The following AKAP6 variants were observed in gnomAD, a reference collection of about 807,000 sequenced individuals.
The protein encoded by AKAP6 is A-kinase anchor protein 6.
A neutral mutation model predicts 188.5 loss-of-function variants in AKAP6; 58 were observed. The ratio of observed to expected loss-of-function variants is 0.31; its 90% CI spans 0.25 to 0.38. AKAP6 has a LOEUF of 0.38. AKAP6 is among the 10% of genes least tolerant of loss of function. The pLI is 1.00. For missense variants in AKAP6, 2,710 were observed against 2,740.0 expected (o/e 0.99, Z 0.24); for synonymous variants, 989 against 998.6 (o/e 0.99, Z 0.18).
At chr14:32,424,508 CTTTTA>C (rs777673073) in intron 1 of AKAP6, among the ~76,000 whole-genome samples, 10 of 151,936 alleles carry the variant, frequency 6.6e-5, no homozygotes, top group African/African-American at 9.7e-5. Context: ...TTATTTTTAA[CTTTTA>C]TTTTAAGTTC....
intron 12 of AKAP6, among the ~76,000 whole-genome samples, chr14:32,805,022 A>T (rs1189488649): frequency 6.6e-6 from 1 of 152,194 alleles, no homozygotes; most frequent in African/African-American, 2.4e-5. Context: ...CACTGATTTC[A>T]TATTTTTCAA....
At chr14:32,828,676 A>G (rs1383512664) in intron 13 of AKAP6, among the ~76,000 whole-genome samples, 1 of 152,226 alleles carries the variant, frequency 6.6e-6, no homozygotes, top group African/African-American at 2.4e-5. Context: ...GCCAGCATTT[A>G]GTAAGACCAG....
At chr14:32,622,409 TA>T (rs1566610104) in intron 7 of AKAP6, among the ~76,000 whole-genome samples, 2 of 152,064 alleles carry the variant, frequency 1.3e-5, no homozygotes, top group African/African-American at 4.8e-5. Flanking sequence ...GATATAATAA[TA>T]GAGACAAATA....
At chr14:32,722,319 A>T (rs1018775686) in intron 9 of AKAP6, among the ~76,000 whole-genome samples, 4 of 152,150 alleles carry the variant, frequency 2.6e-5, no homozygotes, top group African/African-American at 7.2e-5. Flanking sequence ...CAGTCAAACT[A>T]ATATATCCAT....
chr14:32,604,441 CAAAG>C (rs1329714073), intron 7 of AKAP6, among the ~76,000 whole-genome samples: 2 of 152,040 alleles, frequency 1.3e-5, no homozygotes, highest in African/African-American at 2.4e-5. Context: ...CAATTTAAGA[CAAAG>C]AAAATATATT....
intron 5 of AKAP6, among the ~76,000 whole-genome samples, chr14:32,583,982 A>T (rs1447243882): frequency 6.6e-6 from 1 of 152,194 alleles, no homozygotes; most frequent in Non-Finnish European, 1.5e-5. Context: ...CGCTGCACCC[A>T]CTGTCCTGCG....
At chr14:32,694,999 A>G (rs868216313) in intron 8 of AKAP6, among the ~76,000 whole-genome samples, 2 of 152,198 alleles carry the variant, frequency 1.3e-5, no homozygotes, top group Non-Finnish European at 2.9e-5. Context: ...GGACAAAGTC[A>G]TAGTTTTTCA....
intron 2 of AKAP6, among the ~76,000 whole-genome samples, chr14:32,453,575 C>CTTTTCTTTTTTTTTT (rs1891007366): frequency 1.0e-5 from 1 of 95,354 alleles, no homozygotes; most frequent in African/African-American, 3.4e-5. Context: ...TTTTTCTTTT[C>CTTTTCTTTTTTTTTT]TTTTTTTTTT....
chr14:32,633,906 A>G (rs925392938), intron 7 of AKAP6, among the ~76,000 whole-genome samples: 4 of 152,082 alleles, frequency 2.6e-5, no homozygotes, highest in Non-Finnish European at 5.9e-5. Context: ...TCGTGTCACA[A>G]ATAAGGAAGC....
In AKAP6 at chr14:32,837,489, T is replaced by TATAA. The variant is rs1231494871; in HGVS notation, c.*7685_*7686insTAAA. On this transcript the variant is annotated 3_prime_UTR_variant, in exon 14 of 14. Transcript: ENST00000280979. ...TCCCTAACCACTGGTTTATAAAAAA[T>TATAA]ACTCTAAGGTTTATAGAATTAGTTT... 1 of 152,226 alleles carries TATAA rather than the reference T, an allele frequency of 6.6e-6. No homozygotes were observed. The highest frequency in any genetic ancestry group is 1.5e-5 in the Non-Finnish European group (1 of 68,044). The allele number at this position is 152,226 out of a possible 1,614,324, so 9.4% of individuals were successfully genotyped here. A position where few individuals can be genotyped will look rare whatever the true frequency, so the allele number is the denominator to read the frequency against.
At chr14:32,800,276 C>T (rs2033911733) in intron 12 of AKAP6, among the ~76,000 whole-genome samples, 1 of 150,688 alleles carries the variant, frequency 6.6e-6, no homozygotes, top group Non-Finnish European at 1.5e-5. Flanking sequence ...GTGGTACACA[C>T]CTGTAGTCCC....
At chr14:32,438,156 T>C (rs1890448788) in intron 2 of AKAP6, among the ~76,000 whole-genome samples, 1 of 152,174 alleles carries the variant, frequency 6.6e-6, no homozygotes. Flanking sequence ...GACAAAGGCA[T>C]TGGATGAATC....
chr14:32,776,137 C>A (rs2033053866), intron 12 of AKAP6, among the ~76,000 whole-genome samples: 1 of 152,190 alleles, frequency 6.6e-6, no homozygotes, highest in African/African-American at 2.4e-5. Flanking sequence ...ATCATATGTC[C>A]CCACTCCCAT....
intron 12 of AKAP6, among the ~76,000 whole-genome samples, chr14:32,787,065 A>G (rs1432111317): frequency 1.3e-5 from 2 of 152,224 alleles, no homozygotes; most frequent in Non-Finnish European, 2.9e-5. Context: ...AAACACCCAA[A>G]GGATTCAATT....
chr14:32,693,467 C>G (rs1416036298), intron 8 of AKAP6: 1 of 152,204 alleles, frequency 6.6e-6, no homozygotes, highest in Non-Finnish European at 1.5e-5. Flanking sequence ...AAAGAGAATT[C>G]TAACCGAAGA....
chr14:32,535,530 A>T, intron 2 of AKAP6, 24 bp from the exon 3 acceptor site: 2 of 1,604,414 alleles, frequency 1.2e-6, no homozygotes, highest in African/African-American at 1.3e-5. Flanking sequence ...TAGTCCTCAC[A>T]TATGTTGCTT....
At chr14:32,658,796 G>T (rs1888562568) in intron 7 of AKAP6, among the ~76,000 whole-genome samples, 1 of 144,762 alleles carries the variant, frequency 6.9e-6, no homozygotes. Flanking sequence ...AAAAAAAAAA[G>T]CCTAACTATA....
At chr14:32,805,740 T>G (rs1205357238) in intron 12 of AKAP6, among the ~76,000 whole-genome samples, 2 of 152,236 alleles carry the variant, frequency 1.3e-5, no homozygotes, top group African/African-American at 4.8e-5. Flanking sequence ...CATTTAGTTC[T>G]AATATTTTAG....
intron 2 of AKAP6, among the ~76,000 whole-genome samples, chr14:32,523,459 CCTCT>C (rs971722503): frequency 2.0e-5 from 3 of 150,336 alleles, no homozygotes; most frequent in African/African-American, 4.9e-5. Context: ...AAGTTGAATA[CCTCT>C]CTCTCTCTCT....
Sources: allele counts gnomAD v4.1 joint callset (sites outside exome capture counted in the v4.1 genomes callset), GRCh38; gene constraint gnomAD v4.1.1; transcripts MANE v1.5; gene names NCBI Gene and HGNC (gene_info 2026-07-23, HGNC 2026-07-21).